UNC13C: variants seen among roughly 807,000 people sequenced by gnomAD.
UNC13C encodes protein unc-13 homolog C.
Under a neutral mutation model 245.4 loss-of-function variants are expected in UNC13C, and 174 were observed. The observed-to-expected ratio is 0.71, with a 90% CI of 0.63 to 0.80. The LOEUF is 0.80. UNC13C is among the 30% of genes least tolerant of loss of function. The pLI, the probability that UNC13C is intolerant of heterozygous loss-of-function variation, is 0.00. For synonymous variants in UNC13C, 992 were observed against 895.1 expected, an observed-to-expected ratio of 1.11 and a Z score of -1.93; for missense variants, 2,829 against 2,602.9, an observed-to-expected ratio of 1.09 and a Z score of -1.89.
intron 14 of UNC13C, among the ~76,000 whole-genome samples, chr15:54,327,610 G>T (rs1350381152): frequency 6.6e-6 from 1 of 152,046 alleles, no homozygotes; most frequent in Non-Finnish European, 1.5e-5. Context: ...GGGAAGAGAG[G>T]CCAGAGCTCA....
the UNC13C span, among the ~76,000 whole-genome samples, chr15:53,923,578 C>T: frequency 6.6e-6 from 1 of 152,204 alleles, no homozygotes; most frequent in Non-Finnish European, 1.5e-5. Context: ...TACATTGCAT[C>T]TTCCTTCAAT....
At chr15:54,337,135 C>G (rs1443569687) in intron 16 of UNC13C, among the ~76,000 whole-genome samples, 2 of 152,108 alleles carry the variant, frequency 1.3e-5, no homozygotes, top group Non-Finnish European at 2.9e-5. Context: ...TCTCCTATAC[C>G]ATTGGCTCTT....
intron 13 of UNC13C, among the ~76,000 whole-genome samples, chr15:54,309,634 T>G (rs534186398): frequency 6.6e-6 from 1 of 152,022 alleles, no homozygotes; most frequent in East Asian, 1.9e-4. Context: ...TTTATAGTTT[T>G]GGGTCTTACA....
chr15:54,525,022 G>A (rs540066003), intron 24 of UNC13C, among the ~76,000 whole-genome samples: 10 of 152,238 alleles, frequency 6.6e-5, no homozygotes, highest in African/African-American at 2.4e-4. Flanking sequence ...GGCGTGCTTG[G>A]ATACCTTGTC....
chr15:54,198,330 G>T (rs2034421572), intron 4 of UNC13C, among the ~76,000 whole-genome samples: 1 of 152,034 alleles, frequency 6.6e-6, no homozygotes, highest in African/African-American at 2.4e-5. Context: ...CCTAGGGGAA[G>T]TTTGCATCCT....
At chr15:53,943,125 T>C in the UNC13C span, among the ~76,000 whole-genome samples, 2 of 152,146 alleles carry the variant, frequency 1.3e-5, no homozygotes, top group Non-Finnish European at 1.5e-5. Flanking sequence ...CTAACTCCAT[T>C]CTCCATTCCA....
chr15:54,042,959 C>T (rs1896877491), intron 2 of UNC13C, among the ~76,000 whole-genome samples: 1 of 152,126 alleles, frequency 6.6e-6, no homozygotes, highest in Non-Finnish European at 1.5e-5. Flanking sequence ...TATCACACTT[C>T]TTGTCCTTAA....
At chr15:54,332,821 A>G (rs1446913817) in intron 15 of UNC13C, among the ~76,000 whole-genome samples, 5 of 152,070 alleles carry the variant, frequency 3.3e-5, no homozygotes, top group Non-Finnish European at 7.4e-5. Context: ...TTCTTATTTT[A>G]ACATATCTAT....
chr15:54,346,934 T>TA (rs2038872793), intron 17 of UNC13C, among the ~76,000 whole-genome samples: 1 of 152,120 alleles, frequency 6.6e-6, no homozygotes, highest in Non-Finnish European at 1.5e-5. Context: ...TTCTTTAAAA[T>TA]AAAAAATAAA....
At chr15:54,116,829 GT>G (rs1354079674) in intron 2 of UNC13C, among the ~76,000 whole-genome samples, 1 of 152,040 alleles carries the variant, frequency 6.6e-6, no homozygotes, top group South Asian at 2.1e-4. Context: ...GTAGTTTTAA[GT>G]TTTTTGAGGA....
intron 2 of UNC13C, among the ~76,000 whole-genome samples, chr15:54,069,654 T>TA (rs913013753): frequency 5.3e-5 from 8 of 152,212 alleles, no homozygotes; most frequent in African/African-American, 1.9e-4. Flanking sequence ...GTACTTCGAT[T>TA]GCTTAAAAGG....
chr15:54,416,567 C>G (rs776631654), intron 19 of UNC13C, among the ~76,000 whole-genome samples: 1 of 152,108 alleles, frequency 6.6e-6, no homozygotes, highest in Non-Finnish European at 1.5e-5. Context: ...TAACCACATC[C>G]TTTTACATCT....
At chr15:54,303,205 C>T (rs1458547682) in intron 13 of UNC13C, among the ~76,000 whole-genome samples, 1 of 152,068 alleles carries the variant, frequency 6.6e-6, no homozygotes. Flanking sequence ...ATTGGTCAAC[C>T]ATAATAGAGT....
At position 54,122,891 on chromosome 15, in the gene UNC13C, T is replaced by C. The variant is rs142206474; in HGVS notation, c.2984-20127T>C. On this transcript the variant is annotated intron_variant, in intron 2 of 32. Coordinates refer to ENST00000260323, the MANE Select transcript of UNC13C (RefSeq NM_001080534.3). ...ATTTATGTTATTTCCAGTATTTGGG[T>C]ATTATTAATAAAGCTGCTATGAAAT... Among the ~76,000 whole-genome samples the C allele has an allele frequency of 8.0e-3, 1,222 of 152,184 alleles. 20 individuals carry two copies. Among genetic ancestry groups the C allele is most frequent in the African/African-American group, 0.028 (1,172 of 41,560 alleles).
rs1555445568 is a variant in UNC13C at position 54,296,391 on chromosome 15, T to TG, written c.3989-1420_3989-1419insG. 1.8e-3 allele frequency among the ~76,000 whole-genome samples: 249 copies of TG among 137,878 alleles called. 2 individuals carry two copies. The highest frequency in any genetic ancestry group is 5.1e-3 in the South Asian group (22 of 4,296). 90.5% of individuals were successfully genotyped at this position (137,878 alleles called of 152,430 possible). A position where few individuals can be genotyped will look rare whatever the true frequency, so the allele number is the denominator to read the frequency against. The stretch of plus-strand genomic sequence containing the variant: ...AATTTTTTTTTTTTTTTATTTTTTT[T>TG]TATTTTTTAGTGGAGACGGGGTTTC... On this transcript the variant is annotated intron_variant, in intron 11 of 32. Coordinates refer to ENST00000260323, the MANE Select transcript of UNC13C (RefSeq NM_001080534.3).
chr15:54,510,312 A>G (rs1894677257), intron 23 of UNC13C, among the ~76,000 whole-genome samples: 1 of 152,024 alleles, frequency 6.6e-6, no homozygotes, highest in African/African-American at 2.4e-5. Flanking sequence ...AATGTCAATG[A>G]CCCTACCTCC....
intron 25 of UNC13C, among the ~76,000 whole-genome samples, chr15:54,528,445 G>A (rs894272601): frequency 2.0e-5 from 3 of 151,944 alleles, no homozygotes; most frequent in East Asian, 1.9e-4. Context: ...TGGGTGCTCC[G>A]AAAATCTTTA....
intron 4 of UNC13C, among the ~76,000 whole-genome samples, chr15:54,224,464 T>C (rs758260867): frequency 1.5e-4 from 23 of 152,168 alleles, no homozygotes; most frequent in Non-Finnish European, 3.2e-4. Flanking sequence ...ACCATCCTTG[T>C]GTTCCTGAGA....
the UNC13C span, among the ~76,000 whole-genome samples, chr15:53,876,435 T>C: frequency 1.3e-5 from 2 of 152,296 alleles, no homozygotes; most frequent in Non-Finnish European, 2.9e-5. Context: ...CAAGCAGGCC[T>C]AGCAATTCAG....
Sources: gnomAD v4.1 joint callset for allele counts (sites outside exome capture counted in the v4.1 genomes callset) on GRCh38, gnomAD v4.1.1 for gene constraint, MANE v1.5 for transcripts, NCBI Gene and HGNC (gene_info 2026-07-23, HGNC 2026-07-21) for gene names.